Variants in USP2 observed in about 807,000 individuals in gnomAD.
USP2 encodes the protein ubiquitin carboxyl-terminal hydrolase 2.
In USP2, 33 loss-of-function variants were observed where a neutral mutation model predicts 72.0. That is an observed-to-expected ratio of 0.46 (90% confidence interval 0.35 to 0.61). The LOEUF (loss-of-function observed/expected upper bound fraction) is 0.61. USP2 is among the 20% of genes least tolerant of loss of function. The probability of loss-of-function intolerance (pLI) is 0.01; values close to 1 mark genes in which losing one functional copy is unlikely to be tolerated. For synonymous variants in USP2, 296 were observed against 312.5 expected (o/e 0.95, Z 0.56); for missense variants, 691 against 797.8 (o/e 0.87, Z 1.61).
chr11:119,356,890 G>A lies in USP2; in HGVS notation c.1763C>T (p.Thr588Ile). ...GTAGAAGAGCAGGTAGGCGTCGCTG[G>A]TGCGCACTTGGCTGGAGGACATGGG... is the stretch of plus-strand genomic sequence containing the variant. ...VTPMSSSQVR[T>I]SDAYLLFYEL... The change falls in exon 13 of 13, where the codon ACC becomes ATC. Residue 588 changes from threonine (T) to isoleucine (I), a missense_variant. Thr to Ile is a moderately conservative substitution (Grantham distance 89). Transcript: ENST00000260187. 1 of 1,564,656 alleles carries A rather than the reference G, an allele frequency of 6.4e-7. No individual in the cohort carries two copies. The highest frequency in any genetic ancestry group is 8.7e-7 in the Non-Finnish European group (1 of 1,155,040).
intron 1 of USP2, chr11:119,376,446 C>CG: frequency 3.1e-6 from 3 of 976,204 alleles, no homozygotes; most frequent in Non-Finnish European, 3.7e-6. Context: ...CTGCCCAGTG[C>CG]GGGGGGCCCC....
chr11:119,358,724 C>G, intron 7 of USP2, 49 bp downstream of exon 7: 10 of 1,602,360 alleles, frequency 6.2e-6, no homozygotes, highest in Non-Finnish European at 8.6e-6. Flanking sequence ...TCCACTCAGG[C>G]AAGAGCAGGC....
intron 2 of USP2, among the ~76,000 whole-genome samples, chr11:119,368,389 G>T (rs1044865747): frequency 6.6e-6 from 1 of 152,206 alleles, no homozygotes; most frequent in Admixed American, 6.5e-5. Context: ...CATGAGGGAC[G>T]AGAGGCGAGT....
At chr11:119,357,955 C>A (rs1431064628) in intron 9 of USP2, 26 bp downstream of exon 9, 1 of 1,614,178 alleles carries the variant, frequency 6.2e-7, no homozygotes, top group Non-Finnish European at 8.5e-7. Flanking sequence ...GAAATTTGTT[C>A]TTGCTATTAC....
In USP2 at chr11:119,373,256, G is replaced by C. The variant is rs1950958562; in HGVS notation, c.225C>G (p.Asp75Glu). 1 of 1,613,840 alleles carries C rather than the reference G, an allele frequency of 6.2e-7. No homozygotes were observed. The highest frequency in any genetic ancestry group is 8.5e-7 in the Non-Finnish European group (1 of 1,179,902). ...TYGPSSLLDY[D>E]RGRPLLRPDI... ...CGGGTCTCAGCAGGGGGCGGCCCCGGTCATAGTCCAGGAGGGAGGAGGGGC... is the reference window on the plus strand; with the variant it reads ...CGGGTCTCAGCAGGGGGCGGCCCCGCTCATAGTCCAGGAGGGAGGAGGGGC... Residue 75 changes from aspartate (D) to glutamate (E), a missense_variant, in exon 2 of 13, where the codon GAC becomes GAG. Transcript: ENST00000260187.
At chr11:119,371,197 C>A (rs897590196) in intron 2 of USP2, among the ~76,000 whole-genome samples, 67 of 152,110 alleles carry the variant, frequency 4.4e-4, no homozygotes, top group Non-Finnish European at 7.3e-4. Context: ...CTTTAAGGAG[C>A]ACTGCTGACC....
At chr11:119,357,136 G>A (rs1422635609) in intron 12 of USP2, 51 bp downstream of exon 12, 3 of 1,600,726 alleles carry the variant, frequency 1.9e-6, no homozygotes, top group Admixed American at 3.4e-5. Context: ...GAGGAGTGGG[G>A]GGAGAGTGGG....
intron 1 of USP2, among the ~76,000 whole-genome samples, chr11:119,374,578 CAGTGTTCTTTCTACTTAACCTGG>C (rs1186722023): frequency 6.6e-6 from 1 of 152,218 alleles, no homozygotes; most frequent in Non-Finnish European, 1.5e-5. Context: ...AAATCCTGGC[CAGTGTTCTTTCTACTTAACCTGG>C]AGTTACCTCC....
chr11:119,367,873 C>T (rs951122784), intron 2 of USP2, among the ~76,000 whole-genome samples: 36 of 152,200 alleles, frequency 2.4e-4, no homozygotes, highest in Admixed American at 2.3e-3. Context: ...AGCGGCTCCC[C>T]CAGGGGCAAG....
chr11:119,363,960 G>C (rs200755468), intron 2 of USP2: 2 of 903,242 alleles, frequency 2.2e-6, no homozygotes, highest in Non-Finnish European at 2.7e-6. Flanking sequence ...CGGCGGGGGG[G>C]TCCTCGGGCA....
chr11:119,363,909 G>T, intron 2 of USP2: 1 of 1,353,710 alleles, frequency 7.4e-7, no homozygotes, highest in South Asian at 1.9e-5. Flanking sequence ...GGGAGAGAGG[G>T]GAGCGCGGCC....
At chr11:119,357,430 C>T (rs1360308817) in intron 11 of USP2, 53 bp downstream of exon 11, 12 of 1,612,484 alleles carry the variant, frequency 7.4e-6, no homozygotes, top group Middle Eastern at 3.3e-4. Context: ...GCCCTCCCTC[C>T]GGCCTTGCAC....
intron 1 of USP2, among the ~76,000 whole-genome samples, chr11:119,376,563 C>G (rs758152178): frequency 6.6e-6 from 1 of 152,264 alleles, no homozygotes; most frequent in Non-Finnish European, 1.5e-5. Flanking sequence ...GGGGGCAGTC[C>G]CCTGCCCAGC....
Position 119,358,244 on chromosome 11 carries a change from C to G in USP2, c.1246G>C (p.Val416Leu). Residue 416 changes from valine (V) to leucine (L), a missense_variant, in exon 8 of 13, where the codon GTT (valine) becomes CTT (leucine). Val to Leu is a conservative substitution (Grantham distance 32). Coordinates refer to ENST00000260187, the MANE Select transcript of USP2 (RefSeq NM_004205.5). The part of the protein sequence containing the change: ...REDSRIGDLF[V>L]GQLKSSLTCT... ...GTCAGCGAGCTCTTTAGCTGCCCAA[C>G]AAAGAGATCTGGGGAAGAGAAGGCC... 2 of 1,613,078 alleles carry G rather than the reference C, an allele frequency of 1.2e-6. No homozygotes were observed. The highest frequency in any genetic ancestry group is 1.1e-5 in the South Asian group (1 of 91,030).
At chr11:119,357,695 G>T in intron 10 of USP2, 62 bp downstream of exon 10, 7 of 1,613,352 alleles carry the variant, frequency 4.3e-6, no homozygotes, top group Non-Finnish European at 5.9e-6. Flanking sequence ...CTCACCTATG[G>T]GCCCCTTGTC....
chr11:119,357,329 AG>A (rs760663638), intron 11 of USP2, 22 bp from the exon 12 acceptor site: 2 of 1,610,646 alleles, frequency 1.2e-6, no homozygotes, highest in Non-Finnish European at 8.5e-7. Context: ...GCAGCCGTCA[AG>A]CCCCCGAGGC....
At chr11:119,379,895 T>A (rs1328970161) in intron 1 of USP2, among the ~76,000 whole-genome samples, 1 of 150,692 alleles carries the variant, frequency 6.6e-6, no homozygotes, top group African/African-American at 2.4e-5. Flanking sequence ...GGAGGGTTAC[T>A]CCTGGGGAAG....
chr11:119,363,953 C>T (rs1442531433), intron 2 of USP2: 2 of 77,528 alleles, frequency 2.6e-5, no homozygotes, highest in African/African-American at 1.3e-4. Context: ...AAGGGGGCGG[C>T]GGGGGGGTCC....
chr11:119,377,861 G>GC (rs1432303980), intron 1 of USP2, among the ~76,000 whole-genome samples: 2 of 152,174 alleles, frequency 1.3e-5, no homozygotes, highest in Non-Finnish European at 2.9e-5. Flanking sequence ...GGCCCTGGGG[G>GC]CAGGGGATGG....
Sources: allele counts gnomAD v4.1 joint callset (sites outside exome capture counted in the v4.1 genomes callset), GRCh38; gene constraint gnomAD v4.1.1; transcripts MANE v1.5; gene names NCBI Gene and HGNC (gene_info 2026-07-23, HGNC 2026-07-21).